Variants in MID1 observed in about 807,000 individuals in gnomAD.
MID1 encodes midline 1, also known as E3 ubiquitin-protein ligase Midline-1.
Under a neutral mutation model 40.4 loss-of-function variants are expected in MID1, and 7 were observed. That is an observed-to-expected ratio of 0.17 (90% CI 0.10 to 0.33). The LOEUF (loss-of-function observed/expected upper bound fraction) is 0.33, where lower values mean the gene tolerates loss of function less well. Ranked by LOEUF, MID1 falls within the 10% of genes least tolerant of loss-of-function variation. The probability of loss-of-function intolerance (pLI) is 1.00; values close to 1 mark genes in which losing one functional copy is unlikely to be tolerated. For missense variants in MID1, 367 were observed against 558.5 expected (o/e 0.66, Z 3.46); for synonymous variants, 229 against 221.2 (o/e 1.04, Z -0.31).
intron 1 of MID1, among the ~76,000 whole-genome samples, chrX:10,663,364 A>G (rs1376296718): frequency 1.8e-5 from 2 of 111,475 alleles, no homozygotes; most frequent in Non-Finnish European, 3.8e-5. Flanking sequence ...TATTCTGGAC[A>G]TTTCACATAA....
At position 10,602,988 on chromosome X, in the gene MID1, C is replaced by T. The variant is rs750406572; in HGVS notation, c.-57+17302G>A. Among the ~76,000 whole-genome samples, 6 of 112,451 alleles carry T rather than the reference C, an allele frequency of 5.3e-5. No individual in the cohort carries two copies. In the East Asian group the frequency reaches 1.4e-3, roughly 26 times the overall value. ...ACCTGTAAACAGCATATTGCCAACA[C>T]ACTGTGCCTGCCTATATATTTTCCA... is the stretch of plus-strand genomic sequence containing the variant. On this transcript the variant is annotated intron_variant, in intron 1 of 9. Transcript: ENST00000317552.
intron 1 of MID1, among the ~76,000 whole-genome samples, chrX:10,703,509 T>C (rs1488741256): frequency 1.8e-5 from 2 of 110,639 alleles, no homozygotes; most frequent in Non-Finnish European, 3.8e-5. Context: ...CTACTAAAAA[T>C]ACAAAAAATT....
intron 1 of MID1, among the ~76,000 whole-genome samples, chrX:10,728,126 A>C (rs1016556068): frequency 1.8e-5 from 2 of 112,053 alleles, no homozygotes; most frequent in Non-Finnish European, 3.8e-5. Flanking sequence ...GTCTCCTAGA[A>C]ATAAATATTT....
intron 1 of MID1, among the ~76,000 whole-genome samples, chrX:10,771,401 C>T (rs1457569061): frequency 9.0e-6 from 1 of 111,374 alleles, no homozygotes; most frequent in Non-Finnish European, 1.9e-5. Flanking sequence ...TGCATCCCCT[C>T]AAATTGGTAT....
chrX:10,821,670 T>C (rs1055181906), intron 1 of MID1, among the ~76,000 whole-genome samples: 2 of 112,858 alleles, frequency 1.8e-5, no homozygotes, highest in Non-Finnish European at 3.7e-5. Flanking sequence ...CGTGTTTGTC[T>C]CATTTCTTAT....
At chrX:10,781,704 C>A (rs774475724) in intron 1 of MID1, among the ~76,000 whole-genome samples, 2 of 112,108 alleles carry the variant, frequency 1.8e-5, no homozygotes, top group South Asian at 7.5e-4. Flanking sequence ...TTTTGGATCA[C>A]TGGTAATACA....
chrX:10,654,158 T>C (rs1302664341), intron 1 of MID1, among the ~76,000 whole-genome samples: 2 of 111,756 alleles, frequency 1.8e-5, no homozygotes, highest in Non-Finnish European at 3.8e-5. Context: ...GATACTAATA[T>C]AGTTATAGTT....
At chrX:10,544,558 A>G (rs1933608545) in intron 2 of MID1, among the ~76,000 whole-genome samples, 1 of 112,498 alleles carries the variant, frequency 8.9e-6, no homozygotes, top group Non-Finnish European at 1.9e-5. Context: ...TTTCAGAAGA[A>G]GGGAAATATT....
At chrX:10,578,807 C>T (rs1934936075) in intron 1 of MID1, among the ~76,000 whole-genome samples, 1 of 111,619 alleles carries the variant, frequency 9.0e-6, no homozygotes, top group Non-Finnish European at 1.9e-5. Flanking sequence ...GTGATGGTAG[C>T]AGAAATGGAA....
intron 1 of MID1, among the ~76,000 whole-genome samples, chrX:10,583,959 C>T (rs193293242): frequency 1.8e-4 from 19 of 108,510 alleles, no homozygotes; most frequent in Admixed American, 3.0e-4. Flanking sequence ...TGAACCCGGG[C>T]GGCAGAGGTT....
chrX:10,569,936 C>A (rs1006508981), intron 1 of MID1, among the ~76,000 whole-genome samples: 4 of 111,840 alleles, frequency 3.6e-5, no homozygotes, highest in African/African-American at 9.8e-5. Context: ...ATCATAAGAC[C>A]TTTCTAAATG....
intron 1 of MID1, among the ~76,000 whole-genome samples, chrX:10,795,096 C>T (rs992292847): frequency 1.2e-4 from 13 of 111,282 alleles, no homozygotes; most frequent in African/African-American, 4.3e-4. Flanking sequence ...GCAGTATTAT[C>T]CCTGGCCTCC....
chrX:10,635,784 T>A (rs1936102786), intron 1 of MID1, among the ~76,000 whole-genome samples: 2 of 112,105 alleles, frequency 1.8e-5, no homozygotes, highest in Admixed American at 9.5e-5. Flanking sequence ...AATATGGAAG[T>A]ATAATAATTA....
intron 1 of MID1, among the ~76,000 whole-genome samples, chrX:10,766,283 A>G (rs1302099340): frequency 6.3e-5 from 7 of 111,865 alleles, no homozygotes; most frequent in African/African-American, 2.3e-4. Flanking sequence ...TGGGTAGAGG[A>G]TATGTAGGGG....
chrX:10,552,593 T>G (rs1933957187), intron 2 of MID1, among the ~76,000 whole-genome samples: 1 of 111,210 alleles, frequency 9.0e-6, no homozygotes, highest in Non-Finnish European at 1.9e-5. Context: ...CTTTTTTAAT[T>G]GTTTTTTTTT....
At chrX:10,634,508 C>T (rs1228047862) in intron 1 of MID1, among the ~76,000 whole-genome samples, 1 of 110,669 alleles carries the variant, frequency 9.0e-6, no homozygotes, top group East Asian at 2.8e-4. Flanking sequence ...GTAACTATTC[C>T]CTTAACAAAG....
intron 1 of MID1, among the ~76,000 whole-genome samples, chrX:10,585,236 T>C (rs1194527653): frequency 1.8e-5 from 2 of 110,605 alleles, no homozygotes; most frequent in East Asian, 5.7e-4. Context: ...CTTTTCTGAG[T>C]ATAAAACAAT....
At chrX:10,618,065 C>T (rs1362339834) in intron 1 of MID1, among the ~76,000 whole-genome samples, 1 of 111,351 alleles carries the variant, frequency 9.0e-6, no homozygotes, top group Non-Finnish European at 1.9e-5. Flanking sequence ...TCTAATTCTG[C>T]GGGCAATTTC....
intron 1 of MID1, among the ~76,000 whole-genome samples, chrX:10,628,008 G>A (rs757787950): frequency 8.9e-6 from 1 of 111,810 alleles, no homozygotes; most frequent in South Asian, 3.7e-4. Context: ...TAAGATGGTA[G>A]TAAAGATAAA....
Sources: allele counts gnomAD v4.1 joint callset (sites outside exome capture counted in the v4.1 genomes callset), GRCh38; gene constraint gnomAD v4.1.1; transcripts MANE v1.5; gene names NCBI Gene and HGNC (gene_info 2026-07-23, HGNC 2026-07-21).